VWDE: variants seen among roughly 807,000 people sequenced by gnomAD.
The protein encoded by VWDE is von Willebrand factor D and EGF domain-containing protein.
Under a neutral mutation model 178.4 loss-of-function variants are expected in VWDE, and 207 were observed. That is an observed-to-expected ratio of 1.16 (90% CI 1.04 to 1.30). The LOEUF (loss-of-function observed/expected upper bound fraction) is 1.30. VWDE is among the 50% of genes most tolerant of loss of function. The pLI is 0.00. For missense variants in VWDE, 2,287 were observed against 1,901.3 expected, an observed-to-expected ratio of 1.20 and a Z score of -3.77; for synonymous variants, 738 against 651.4, an observed-to-expected ratio of 1.13 and a Z score of -2.02.
chr7:12,391,231 T>C (rs1434923837), intron 2 of VWDE, among the ~76,000 whole-genome samples: 3 of 152,246 alleles, frequency 2.0e-5, no homozygotes, highest in Non-Finnish European at 4.4e-5. Flanking sequence ...TGTTGTTCCA[T>C]TCCTGTTCTT....
chr7:12,370,227 A>G lies in VWDE; in HGVS notation c.2079T>C (p.Asn693=). ...TGTGTTTTTTTTCTTGCAGAAATAA[A>G]TTTAGATTATATTCTTCTGGAGATG... is the stretch of plus-strand genomic sequence containing the variant. The part of the protein sequence containing the change: ...KHTSPEEYNL[N]LFLQEKKHIN... Residue 693 remains asparagine, a synonymous_variant, in exon 12 of 29, where the codon AAT becomes AAC. Transcript: ENST00000275358. 1 of 1,551,148 alleles carries G rather than the reference A, an allele frequency of 6.4e-7. No individual in the cohort carries two copies. The highest frequency in any genetic ancestry group is 8.7e-7 in the Non-Finnish European group (1 of 1,146,834).
At chr7:12,399,386 T>G (rs1159548237) in intron 1 of VWDE, among the ~76,000 whole-genome samples, 1 of 152,128 alleles carries the variant, frequency 6.6e-6, no homozygotes, top group Non-Finnish European at 1.5e-5. Context: ...ATAAAGCAAT[T>G]GTAAACATAA....
intron 16 of VWDE, among the ~76,000 whole-genome samples, chr7:12,359,045 C>A (rs1008543755): frequency 1.3e-5 from 2 of 152,168 alleles, no homozygotes; most frequent in Admixed American, 6.5e-5. Context: ...TGTCTCATCT[C>A]CCTGTGAGGG....
chr7:12,361,118 A>G (rs1298015895), intron 15 of VWDE, 29 bp downstream of exon 15: 16 of 1,342,648 alleles, frequency 1.2e-5, no homozygotes, highest in Non-Finnish European at 3.1e-6. Flanking sequence ...TATGATGTAA[A>G]TGTGAAAATA....
At position 12,343,453 on chromosome 7, in the gene VWDE, T is replaced by G. The variant is rs542958943; in HGVS notation, c.4079-275A>C. On this transcript the variant is annotated intron_variant, in intron 21 of 28. Coordinates refer to ENST00000275358, the MANE Select transcript of VWDE (RefSeq NM_001135924.3). The stretch of plus-strand genomic sequence containing the variant: ...TCTTCTGAAAAGTGAGATTTGAACT[T>G]ACTTATTCCTGCCTTACAAATAGAG... Among the ~76,000 whole-genome samples, 7 of 152,302 alleles carry G rather than the reference T, an allele frequency of 4.6e-5. No homozygotes were observed. The South Asian group carries it at 1.4e-3, about 32-fold the overall frequency.
intron 1 of VWDE, among the ~76,000 whole-genome samples, chr7:12,400,924 A>G (rs975319687): frequency 8.5e-5 from 13 of 152,284 alleles, no homozygotes; most frequent in African/African-American, 2.9e-4. Context: ...TCGAATTACT[A>G]TAATAAACCA....
intron 13 of VWDE, among the ~76,000 whole-genome samples, chr7:12,363,587 T>TA (rs1484854019): frequency 6.6e-6 from 1 of 151,952 alleles, no homozygotes; most frequent in African/African-American, 2.4e-5. Flanking sequence ...CACTTTATAT[T>TA]AAAAAAAGAG....
chr7:12,333,486 G>C lies in VWDE; in HGVS notation c.4737C>G (p.Val1579=). Residue 1579 remains valine, a synonymous_variant, in exon 28 of 29, where the codon GTC becomes GTG. Coordinates refer to ENST00000275358, the MANE Select transcript of VWDE (RefSeq NM_001135924.3). ...ATACCTGTATTTTCTTCTCACATTTGACTCCAGAGTATTCAGTGCGGCAGG... is the reference window on the plus strand; with the variant it reads ...ATACCTGTATTTTCTTCTCACATTTCACTCCAGAGTATTCAGTGCGGCAGG... ...VCSCRTEYSG[V]KCEKKIQIRR... 1 of 1,546,626 alleles carries C rather than the reference G, an allele frequency of 6.5e-7. No homozygotes were observed. Among genetic ancestry groups the C allele is most frequent in the Non-Finnish European group, 8.7e-7 (1 of 1,143,924 alleles).
Position 12,361,129 on chromosome 7 carries a change from C to A in VWDE, c.3159+18G>T. The A allele has an allele frequency of 7.1e-7, 1 of 1,417,244 alleles. No individual in the cohort carries two copies. Among genetic ancestry groups the A allele is most frequent in the African/African-American group, 1.4e-5 (1 of 69,288 alleles). 87.8% of individuals were successfully genotyped at this position (1,417,244 alleles called of 1,614,324 possible). A position where few individuals can be genotyped will look rare whatever the true frequency, so the allele number is the denominator to read the frequency against. ...TACCTATGATGTAAATGTGAAAATA[C>A]ATGAAAAAAATACATACCTTTATAG... On this transcript the variant is annotated intron_variant, in intron 15 of 28. Coordinates refer to ENST00000275358, the MANE Select transcript of VWDE (RefSeq NM_001135924.3).
rs1262402891 is a variant in VWDE, at chr7:12,370,791, G to T, written c.1661C>A (p.Pro554His). The change falls in exon 11 of 29, where the codon CCT becomes CAT. Residue 554 changes from proline (P) to histidine (H), a missense_variant. Pro to His is a moderately conservative substitution (Grantham distance 77). Coordinates refer to ENST00000275358, the MANE Select transcript of VWDE (RefSeq NM_001135924.3). ...EWGMSLTIRA[P>H]SVDYRNTLGL... The stretch of plus-strand genomic sequence containing the variant: ...CAGAGTGTTTCTGTAATCTACACTA[G>T]GGGCTCTGATCGTTAGACTCATGCC... 1.0e-5 allele frequency: 16 copies of T among 1,551,012 alleles called. No individual in the cohort carries two copies. In the East Asian group the frequency reaches 3.4e-4, roughly 33 times the overall value.
At chr7:12,344,505 A>C in intron 19 of VWDE, 36 bp from the exon 20 acceptor site, 1 of 1,475,418 alleles carries the variant, frequency 6.8e-7, no homozygotes, top group Non-Finnish European at 9.2e-7. Flanking sequence ...GTTGATTGCT[A>C]AAACAGAACA....
intron 9 of VWDE, 26 bp from the exon 10 acceptor site, chr7:12,373,273 T>A (rs1203947979): frequency 6.5e-7 from 1 of 1,544,324 alleles, no homozygotes; most frequent in South Asian, 1.2e-5. Context: ...GGCAATTGCA[T>A]TAAAAAATCG....
intron 22 of VWDE, 30 bp from the exon 23 acceptor site, chr7:12,342,184 GA>G: frequency 6.5e-7 from 1 of 1,538,696 alleles, no homozygotes; most frequent in Non-Finnish European, 8.8e-7. Context: ...AGAAAAGAAA[GA>G]TTAGGCTTGG....
chr7:12,345,913 T>C (rs538677656), intron 19 of VWDE, among the ~76,000 whole-genome samples: 2 of 152,126 alleles, frequency 1.3e-5, no homozygotes, highest in Non-Finnish European at 2.9e-5. Context: ...GGAGTAAATC[T>C]TGTACTAATT....
chr7:12,370,195 A>G lies in VWDE; in HGVS notation c.2111T>C (p.Leu704Pro). Residue 704 changes from leucine to proline, a missense_variant, in exon 12 of 29, where the codon CTG becomes CCG. By Grantham distance (98) the Leu-to-Pro change is moderately conservative (BLOSUM62 -3). Coordinates refer to ENST00000275358, the MANE Select transcript of VWDE (RefSeq NM_001135924.3). Reference protein sequence around the residue: ...LFLQEKKHINLTKLGLNVQKH... With the variant: ...LFLQEKKHINPTKLGLNVQKH... ...TTGTACATTTAAGCCGAGTTTAGTCAGGTTTATGTGTTTTTTTTCTTGCAG... is the reference window on the plus strand; with the variant it reads ...TTGTACATTTAAGCCGAGTTTAGTCGGGTTTATGTGTTTTTTTTCTTGCAG... 2 of 1,551,206 alleles carry G rather than the reference A, an allele frequency of 1.3e-6. No individual in the cohort carries two copies. Among genetic ancestry groups the G allele is most frequent in the East Asian group, 2.4e-5 (1 of 40,904 alleles).
intron 23 of VWDE, among the ~76,000 whole-genome samples, chr7:12,341,828 A>G (rs892874763): frequency 1.3e-5 from 2 of 152,148 alleles, no homozygotes; most frequent in African/African-American, 4.8e-5. Context: ...AAAGCAAAAA[A>G]AGTATTGGTT....
chr7:12,334,120 A>G (rs1224312534), intron 27 of VWDE, among the ~76,000 whole-genome samples: 1 of 151,854 alleles, frequency 6.6e-6, no homozygotes, highest in Non-Finnish European at 1.5e-5. Flanking sequence ...ATCTATCTCA[A>G]TATCTCAATA....
intron 16 of VWDE, among the ~76,000 whole-genome samples, chr7:12,358,252 T>C (rs1177670359): frequency 6.6e-6 from 1 of 152,008 alleles, no homozygotes; most frequent in African/African-American, 2.4e-5. Flanking sequence ...TGGGTACCTG[T>C]AATTCCAGCT....
intron 19 of VWDE, among the ~76,000 whole-genome samples, chr7:12,349,540 C>G (rs920613380): frequency 6.6e-6 from 1 of 150,824 alleles, no homozygotes; most frequent in Non-Finnish European, 1.5e-5. Context: ...TTAATGCTTT[C>G]ATATAAAAAG....
Sources: allele counts gnomAD v4.1 joint callset (sites outside exome capture counted in the v4.1 genomes callset), GRCh38; gene constraint gnomAD v4.1.1; transcripts MANE v1.5; gene names NCBI Gene and HGNC (gene_info 2026-07-23, HGNC 2026-07-21).